The following FIP1L1 variants were observed in gnomAD, a reference collection of about 807,000 sequenced individuals.
FIP1L1 encodes factor interacting with PAPOLA and CPSF1.
In FIP1L1, 21 loss-of-function variants were observed where a neutral mutation model predicts 84.6. That is an observed-to-expected ratio of 0.25 (90% CI 0.18 to 0.36). The LOEUF is 0.36. FIP1L1 is among the 10% of genes least tolerant of loss of function. FIP1L1 has a pLI of 1.00. For synonymous variants in FIP1L1, 263 were observed against 242.3 expected (o/e 1.09, Z -0.80); for missense variants, 526 against 751.1 (o/e 0.70, Z 3.50).
At chr4:53,384,895 C>G (rs567860059) in intron 5 of FIP1L1, among the ~76,000 whole-genome samples, 1 of 152,232 alleles carries the variant, frequency 6.6e-6, no homozygotes, top group East Asian at 1.9e-4. Context: ...CTGGAATCAA[C>G]CAGTATATAC....
intron 11 of FIP1L1, among the ~76,000 whole-genome samples, chr4:53,417,063 AT>A (rs1275437377): frequency 1.3e-5 from 2 of 152,114 alleles, no homozygotes; most frequent in African/African-American, 4.8e-5. Flanking sequence ...TATATCAGCT[AT>A]TTGACTTAGA....
chr4:53,406,946 T>C (rs1753889428), intron 10 of FIP1L1, among the ~76,000 whole-genome samples: 1 of 152,188 alleles, frequency 6.6e-6, no homozygotes, highest in South Asian at 2.1e-4. Flanking sequence ...TTTGTTGATC[T>C]TTTCAAAAAA....
chr4:53,426,813 C>T (rs1764540464), intron 12 of FIP1L1, among the ~76,000 whole-genome samples: 2 of 151,944 alleles, frequency 1.3e-5, no homozygotes, highest in Non-Finnish European at 2.9e-5. Context: ...CTGGAGGTGG[C>T]GTAGAGCTGC....
At chr4:53,417,239 T>G (rs949263217) in intron 11 of FIP1L1, among the ~76,000 whole-genome samples, 2 of 152,100 alleles carry the variant, frequency 1.3e-5, no homozygotes. Context: ...AAAAAGATGC[T>G]CTGGAAACAA....
chr4:53,450,328 T>G (rs9684941), intron 15 of FIP1L1, among the ~76,000 whole-genome samples: 148,769 of 152,294 alleles, frequency 0.98, 72,768 homozygotes, highest in Middle Eastern at 1. Flanking sequence ...AATGGTTAGG[T>G]ATTATTTTCT....
chr4:53,402,624 C>A (rs1466840266), intron 10 of FIP1L1, among the ~76,000 whole-genome samples: 1 of 152,102 alleles, frequency 6.6e-6, no homozygotes, highest in Non-Finnish European at 1.5e-5. Context: ...GTCACTTGAA[C>A]CCAGGAGGTA....
intron 10 of FIP1L1, among the ~76,000 whole-genome samples, chr4:53,412,376 T>G (rs1757624694): frequency 6.6e-6 from 1 of 152,134 alleles, no homozygotes; most frequent in African/African-American, 2.4e-5. Context: ...CCCAATATCC[T>G]TTATGGCAAT....
chr4:53,449,669 A>G (rs1177441670), intron 15 of FIP1L1, among the ~76,000 whole-genome samples: 3 of 151,270 alleles, frequency 2.0e-5, no homozygotes, highest in South Asian at 4.2e-4. Flanking sequence ...TTTTTTCCCT[A>G]TTTGCTGGGA....
At chr4:53,400,455 G>A (rs1171202741) in intron 10 of FIP1L1, among the ~76,000 whole-genome samples, 4 of 152,192 alleles carry the variant, frequency 2.6e-5, no homozygotes, top group Non-Finnish European at 5.9e-5. Flanking sequence ...TAAGACTAGC[G>A]AAGTTTGAGG....
At chr4:53,427,267 A>G (rs1764703066) in intron 12 of FIP1L1, among the ~76,000 whole-genome samples, 2 of 152,198 alleles carry the variant, frequency 1.3e-5, no homozygotes. Context: ...TAAATATACA[A>G]CATTATGTTG....
chr4:53,385,913 G>A (rs1156710130), intron 5 of FIP1L1, among the ~76,000 whole-genome samples: 1 of 152,100 alleles, frequency 6.6e-6, no homozygotes, highest in Non-Finnish European at 1.5e-5. Context: ...AACAAAGTCA[G>A]TGAGAAAATG....
intron 5 of FIP1L1, among the ~76,000 whole-genome samples, chr4:53,387,977 A>G (rs570924024): frequency 1.3e-5 from 2 of 152,352 alleles, no homozygotes; most frequent in Non-Finnish European, 2.9e-5. Flanking sequence ...TAATCAGCCT[A>G]TGAAATGATT....
chr4:53,429,398 TC>T (rs2150031790), intron 13 of FIP1L1, among the ~76,000 whole-genome samples: 1 of 152,318 alleles, frequency 6.6e-6, no homozygotes, highest in African/African-American at 2.4e-5. Context: ...GACTTGTGGT[TC>T]TTGTGTCTTT....
At chr4:53,391,828 A>G (rs1442058501) in intron 9 of FIP1L1, among the ~76,000 whole-genome samples, 9 of 152,234 alleles carry the variant, frequency 5.9e-5, no homozygotes, top group Admixed American at 1.3e-4. Context: ...TCTAATCTTT[A>G]TCAACAGAAT....
At chr4:53,383,931 T>A (rs1159835718) in intron 5 of FIP1L1, 55 bp downstream of exon 5, 2 of 1,508,224 alleles carry the variant, frequency 1.3e-6, no homozygotes, top group African/African-American at 1.4e-5. Context: ...GTAAGGAGAG[T>A]GTGCCTATAT....
At chr4:53,423,902 T>C (rs1443033684) in intron 11 of FIP1L1, among the ~76,000 whole-genome samples, 1 of 152,190 alleles carries the variant, frequency 6.6e-6, no homozygotes, top group Non-Finnish European at 1.5e-5. Context: ...AATACTTCCA[T>C]GTGTCCCAGA....
chr4:53,401,468 CAGGG>C (rs1372547943), intron 10 of FIP1L1, among the ~76,000 whole-genome samples: 1 of 152,138 alleles, frequency 6.6e-6, no homozygotes, highest in African/African-American at 2.4e-5. Flanking sequence ...TGGGTGAAAA[CAGGG>C]AGGCCAGTTA....
intron 15 of FIP1L1, among the ~76,000 whole-genome samples, chr4:53,444,605 T>G (rs1006788964): frequency 1.3e-5 from 2 of 152,022 alleles, no homozygotes; most frequent in African/African-American, 4.8e-5. Flanking sequence ...TTGTACTAAT[T>G]TTTTTTTGGA....
chr4:53,416,886 C>T (rs1011758170), intron 11 of FIP1L1, among the ~76,000 whole-genome samples: 1 of 152,030 alleles, frequency 6.6e-6, no homozygotes, highest in Non-Finnish European at 1.5e-5. Context: ...ATCACTTGAA[C>T]CCGGGAGGTG....
Sources: allele counts gnomAD v4.1 joint callset (sites outside exome capture counted in the v4.1 genomes callset), GRCh38; gene constraint gnomAD v4.1.1; transcripts MANE v1.5; gene names NCBI Gene and HGNC (gene_info 2026-07-23, HGNC 2026-07-21).